SCN10A: variants seen among roughly 807,000 people sequenced by gnomAD.
The protein encoded by SCN10A is sodium voltage-gated channel alpha subunit 10.
SCN10A carries 162 observed loss-of-function variants against 170.7 expected under a neutral mutation model. The observed-to-expected ratio is 0.95, with a 90% confidence interval of 0.84 to 1.08. SCN10A has a LOEUF of 1.08. Among genes scored for constraint, SCN10A ranks in the 50% least tolerant of loss-of-function variants. The pLI is 0.00. For synonymous variants in SCN10A, 985 were observed against 904.6 expected (o/e 1.09, Z -1.59); for missense variants, 2,527 against 2,436.9 (o/e 1.04, Z -0.78).
chr3:38,749,078 T>A (rs1455353929), intron 13 of SCN10A, among the ~76,000 whole-genome samples: 1 of 152,256 alleles, frequency 6.6e-6, no homozygotes, highest in Non-Finnish European at 1.5e-5. Context: ...TTTCTGTGCA[T>A]GTGAATCTCT....
At chr3:38,757,442 A>G (rs918375989) in intron 8 of SCN10A, among the ~76,000 whole-genome samples, 1 of 152,236 alleles carries the variant, frequency 6.6e-6, no homozygotes, top group Non-Finnish European at 1.5e-5. Context: ...TTGCCAGTTC[A>G]TACCAGGGAA....
At chr3:38,791,977 C>T in intron 3 of SCN10A, 73 bp downstream of exon 3, 1 of 1,558,242 alleles carries the variant, frequency 6.4e-7, no homozygotes, top group Non-Finnish European at 8.7e-7. Flanking sequence ...TTGCTAACCT[C>T]TAAAGAAGGT....
At position 38,697,939 on chromosome 3, in the gene SCN10A, A is replaced by T; in HGVS notation, c.5281T>A (p.Phe1761Ile). The T allele has an allele frequency of 6.2e-7, 1 of 1,614,092 alleles. No homozygotes were observed. Among genetic ancestry groups the T allele is most frequent in the African/African-American group, 1.3e-5 (1 of 75,008 alleles). ...FDPEATQFIT[F>I]SALSDFADTL... ...TCTGCAAAGTCCGAGAGAGCAGAAA[A>T]GGTAATAAACTGAGTGGCCTCTGGG... Residue 1761 changes from phenylalanine to isoleucine, a missense_variant, in exon 28 of 28, where the codon TTT becomes ATT. Transcript: ENST00000449082.
rs139031729 is a variant in SCN10A at position 38,808,381 on chromosome 3, T to C, written c.-33+7656A>G. Among the ~76,000 whole-genome samples the C allele has an allele frequency of 2.4e-4, 36 of 152,320 alleles. No homozygotes were observed. The Middle Eastern group carries it at 0.014, about 58-fold the overall frequency. On this transcript the variant is annotated intron_variant, in intron 1 of 27. Coordinates refer to ENST00000449082, the MANE Select transcript of SCN10A (RefSeq NM_006514.4). Reference sequence around the variant, plus strand: ...TGAACTGGACAAGTTTTCTTTGTTATTCATTTGCATAGGAACCAGTATTTC... The same window carrying C: ...TGAACTGGACAAGTTTTCTTTGTTACTCATTTGCATAGGAACCAGTATTTC...
At chr3:38,725,108 C>A in intron 18 of SCN10A, 66 bp downstream of exon 18, 2 of 1,452,568 alleles carry the variant, frequency 1.4e-6, no homozygotes, top group Non-Finnish European at 1.9e-6. Context: ...ACCCTCCAGC[C>A]TCTACCAGCC....
At chr3:38,728,001 C>T (rs1190321741) in intron 16 of SCN10A, among the ~76,000 whole-genome samples, 2 of 152,216 alleles carry the variant, frequency 1.3e-5, no homozygotes, top group Non-Finnish European at 2.9e-5. Flanking sequence ...TCTCCCCCTG[C>T]TCCCAGCTAG....
chr3:38,701,791 A>G, intron 27 of SCN10A, 48 bp downstream of exon 27: 1 of 1,525,460 alleles, frequency 6.6e-7, no homozygotes, highest in Non-Finnish European at 8.8e-7. Flanking sequence ...CATCCCAAAG[A>G]CCCCCAAACA....
intron 1 of SCN10A, among the ~76,000 whole-genome samples, chr3:38,802,881 A>T (rs1338559743): frequency 1.3e-5 from 2 of 152,194 alleles, no homozygotes; most frequent in Admixed American, 6.6e-5. Context: ...AATGGGAGAA[A>T]ATTTTTGCAA....
At chr3:38,755,741 A>G (rs994533302) in intron 11 of SCN10A, 47 bp downstream of exon 11, 6 of 1,602,446 alleles carry the variant, frequency 3.7e-6, no homozygotes, top group East Asian at 4.5e-5. Context: ...TGTCTACGGC[A>G]GCTGCAATGG....
chr3:38,798,406 C>T (rs1238933462), intron 1 of SCN10A, among the ~76,000 whole-genome samples: 3 of 152,074 alleles, frequency 2.0e-5, no homozygotes, highest in Non-Finnish European at 2.9e-5. Context: ...GGTCTAGATC[C>T]CTGGGAAATG....
rs187321885 is a variant in SCN10A at position 38,764,136 on chromosome 3, C to T, written c.600-540G>A. 1.4e-3 allele frequency among the ~76,000 whole-genome samples: 212 copies of T among 152,378 alleles called. 2 individuals are homozygous for T. In the East Asian group the frequency reaches 0.033, roughly 24 times the overall value. ...AGCCTGGATACACCCATAAGCCCCA[C>T]ATGGACACCCATGCAAATCTTTTTA... On this transcript the variant is annotated intron_variant, in intron 5 of 27. Transcript: ENST00000449082.
chr3:38,814,950 C>T (rs1463622617), intron 1 of SCN10A, among the ~76,000 whole-genome samples: 1 of 152,218 alleles, frequency 6.6e-6, no homozygotes, highest in Non-Finnish European at 1.5e-5. Context: ...TTGCTTCTCC[C>T]TGCTTCATTT....
At chr3:38,741,079 G>T (rs3923697) in intron 14 of SCN10A, among the ~76,000 whole-genome samples, 1 of 152,178 alleles carries the variant, frequency 6.6e-6, no homozygotes, top group Admixed American at 6.5e-5. Context: ...GGATTATGGC[G>T]GAGGGAGTGG....
intron 3 of SCN10A, among the ~76,000 whole-genome samples, chr3:38,791,547 C>T (rs2064281198): frequency 6.6e-6 from 1 of 152,174 alleles, no homozygotes; most frequent in Non-Finnish European, 1.5e-5. Context: ...GTGTGCTCTT[C>T]CCATCATGGT....
intron 6 of SCN10A, among the ~76,000 whole-genome samples, chr3:38,763,072 G>A (rs901345528): frequency 1.1e-4 from 17 of 152,160 alleles, no homozygotes; most frequent in Admixed American, 2.6e-4. Flanking sequence ...TCCTCTGGGT[G>A]TCTAAAGACA....
At chr3:38,768,535 A>G (rs1360619299) in intron 5 of SCN10A, among the ~76,000 whole-genome samples, 1 of 152,102 alleles carries the variant, frequency 6.6e-6, no homozygotes, top group Non-Finnish European at 1.5e-5. Context: ...TTGGCTGGCA[A>G]TTATTTTGTT....
At chr3:38,740,321 G>A (rs1028101254) in intron 14 of SCN10A, among the ~76,000 whole-genome samples, 1 of 152,310 alleles carries the variant, frequency 6.6e-6, no homozygotes, top group African/African-American at 2.4e-5. Flanking sequence ...GTCAGAACCA[G>A]GCTCGGGTAA....
chr3:38,808,186 C>G (rs959587109), intron 1 of SCN10A, among the ~76,000 whole-genome samples: 1 of 152,084 alleles, frequency 6.6e-6, no homozygotes, highest in African/African-American at 2.4e-5. Context: ...TTACCCTGGT[C>G]TTCTTTCACT....
At chr3:38,736,359 C>CACTGTGTGTGTGTGTGTGTG (rs1224815377) in intron 15 of SCN10A, among the ~76,000 whole-genome samples, 2 of 91,440 alleles carry the variant, frequency 2.2e-5, no homozygotes, top group African/African-American at 3.6e-5. Context: ...AATAGGGAAA[C>CACTGTGTGTGTGTGTGTGTG]TCTGTGTGTG....
Sources: gnomAD v4.1 joint callset for allele counts (sites outside exome capture counted in the v4.1 genomes callset) on GRCh38, gnomAD v4.1.1 for gene constraint, MANE v1.5 for transcripts, NCBI Gene and HGNC (gene_info 2026-07-23, HGNC 2026-07-21) for gene names.